The following PLEKHA2 variants were observed in gnomAD, a reference collection of about 807,000 sequenced individuals.
PLEKHA2 encodes pleckstrin homology domain containing A2.
PLEKHA2 carries 28 observed loss-of-function variants against 53.2 expected under a neutral mutation model. That is an observed-to-expected ratio of 0.53 (90% CI 0.39 to 0.72). The LOEUF (loss-of-function observed/expected upper bound fraction) is 0.72, where lower values mean the gene tolerates loss of function less well. Among genes scored for constraint, PLEKHA2 ranks in the 30% least tolerant of loss-of-function variants. PLEKHA2 has a pLI of 0.00. For synonymous variants in PLEKHA2, 193 were observed against 196.4 expected, an observed-to-expected ratio of 0.98 and a Z score of 0.14; for missense variants, 426 against 537.9, an observed-to-expected ratio of 0.79 and a Z score of 2.06.
At chr8:38,951,091 GGGAGT>G in intron 6 of PLEKHA2, 101 bp downstream of exon 6, 1 of 905,990 alleles carries the variant, frequency 1.1e-6, no homozygotes, top group Non-Finnish European at 1.6e-6. Context: ...AAAGGAGGGT[GGGAGT>G]GGGGGGCAGC....
chr8:38,908,725 A>G (rs755624025), intron 1 of PLEKHA2, among the ~76,000 whole-genome samples: 1 of 152,220 alleles, frequency 6.6e-6, no homozygotes, highest in Non-Finnish European at 1.5e-5. Flanking sequence ...ATTATGTACC[A>G]TTTCATATCT....
intron 2 of PLEKHA2, among the ~76,000 whole-genome samples, chr8:38,918,483 CCATACACACAA>C (rs1834107951): frequency 2.1e-5 from 3 of 142,906 alleles, no homozygotes; most frequent in Non-Finnish European, 3.1e-5. Context: ...ACGACACACA[CCATACACACAA>C]CCCATACACC....
At chr8:38,967,391 A>G (rs1469897338) in intron 10 of PLEKHA2, among the ~76,000 whole-genome samples, 1 of 152,168 alleles carries the variant, frequency 6.6e-6, no homozygotes, top group Non-Finnish European at 1.5e-5. Context: ...GCTGACCTGA[A>G]TGGTAGTTCT....
chr8:38,944,969 G>A (rs1588261959), intron 4 of PLEKHA2, among the ~76,000 whole-genome samples: 1 of 152,178 alleles, frequency 6.6e-6, no homozygotes, highest in African/African-American at 2.4e-5. Flanking sequence ...CAGAGGAGAC[G>A]CAGATGGCAG....
intron 1 of PLEKHA2, among the ~76,000 whole-genome samples, chr8:38,904,977 A>G (rs971566688): frequency 3.2e-4 from 48 of 152,328 alleles, no homozygotes; most frequent in African/African-American, 1.2e-3. Flanking sequence ...AGGTAAAGCA[A>G]TTATCTCCAT....
intron 5 of PLEKHA2, among the ~76,000 whole-genome samples, chr8:38,947,536 T>G (rs1834738060): frequency 6.6e-6 from 1 of 152,076 alleles, no homozygotes; most frequent in Non-Finnish European, 1.5e-5. Context: ...GGCAGGAGGA[T>G]CACTTGAGCC....
intron 1 of PLEKHA2, chr8:38,901,953 T>G (rs1344478470): frequency 6.6e-6 from 1 of 152,178 alleles, no homozygotes. Flanking sequence ...CCGACTACCT[T>G]ATTAAATGAC....
At chr8:38,958,051 G>A (rs746711962) in intron 10 of PLEKHA2, among the ~76,000 whole-genome samples, 5 of 152,290 alleles carry the variant, frequency 3.3e-5, no homozygotes, top group East Asian at 3.9e-4. Flanking sequence ...TTGGCCAGGC[G>A]CGGTGGCTCA....
At chr8:38,927,323 C>G (rs1177889046) in intron 2 of PLEKHA2, among the ~76,000 whole-genome samples, 1 of 151,880 alleles carries the variant, frequency 6.6e-6, no homozygotes, top group Non-Finnish European at 1.5e-5. Context: ...TAGGAAGACC[C>G]CATCTCTACA....
At chr8:38,918,617 A>C (rs1834120914) in intron 2 of PLEKHA2, among the ~76,000 whole-genome samples, 1 of 150,562 alleles carries the variant, frequency 6.6e-6, no homozygotes, top group Admixed American at 6.6e-5. Context: ...TACACAAGCC[A>C]TACACACACA....
chr8:38,965,629 C>T (rs1835122116), intron 10 of PLEKHA2, among the ~76,000 whole-genome samples: 1 of 151,888 alleles, frequency 6.6e-6, no homozygotes, highest in Admixed American at 6.6e-5. Flanking sequence ...TTTTTTTTAA[C>T]CTCCAAATAC....
In PLEKHA2 at chr8:38,969,765, A is replaced by G; in HGVS notation, c.1260A>G (p.Ile420Met). 1 of 1,500,836 alleles carries G rather than the reference A, an allele frequency of 6.7e-7. No individual in the cohort carries two copies. The highest frequency in any genetic ancestry group is 1.2e-5 in the South Asian group (1 of 83,088). 93.0% of individuals were successfully genotyped at this position (1,500,836 alleles called of 1,614,324 possible). A position where few individuals can be genotyped will look rare whatever the true frequency, so the allele number is the denominator to read the frequency against. ...PFMFNLDDEN[I>M]RTSDV Reference sequence around the variant, plus strand: ...TGTTCAACCTTGATGATGAAAACATACGGACCTCTGATGTGTGATGGAGCA... The same window carrying G: ...TGTTCAACCTTGATGATGAAAACATGCGGACCTCTGATGTGTGATGGAGCA... Residue 420 changes from isoleucine to methionine, a missense_variant, in exon 12 of 12, where the codon ATA (isoleucine) becomes ATG (methionine). By Grantham distance (10) the Ile-to-Met change is conservative (BLOSUM62 1). Coordinates refer to ENST00000617275, the MANE Select transcript of PLEKHA2 (RefSeq NM_021623.2).
chr8:38,918,800 T>C (rs1227337453), intron 2 of PLEKHA2, among the ~76,000 whole-genome samples: 1 of 151,756 alleles, frequency 6.6e-6, no homozygotes, highest in Non-Finnish European at 1.5e-5. Context: ...ACACACATAC[T>C]ATACACACCC....
At chr8:38,952,790 T>A in intron 8 of PLEKHA2, 86 bp downstream of exon 8, 2 of 1,364,986 alleles carry the variant, frequency 1.5e-6, no homozygotes, top group Non-Finnish European at 2.0e-6. Flanking sequence ...CGTGCATGAG[T>A]GGAGATGTGG....
chr8:38,938,564 C>T (rs762754082), intron 3 of PLEKHA2, among the ~76,000 whole-genome samples: 15 of 152,254 alleles, frequency 9.9e-5, no homozygotes, highest in Non-Finnish European at 2.2e-4. Context: ...CTCCTGTGGT[C>T]TGTGTTTGAT....
At position 38,917,945 on chromosome 8, in the gene PLEKHA2, C is replaced by T. The variant is rs569997545; in HGVS notation, c.16C>T (p.Arg6Trp). MPYVD[R>W]QNRICGFLDI... ...GAGCCCAGGAATGCCTTATGTGGAT[C>T]GGCAGAACCGAATCTGTGGGTTTCT... The change falls in exon 2 of 12, where the codon CGG becomes TGG. Residue 6 changes from arginine to tryptophan, a missense_variant. Arg to Trp is a moderately radical substitution (Grantham distance 101). Transcript: ENST00000617275. The T allele has an allele frequency of 2.3e-5, 37 of 1,613,578 alleles. No homozygotes were observed. The highest frequency in any genetic ancestry group is 4.4e-5 in the South Asian group (4 of 91,074).
chr8:38,934,830 ATT>A (rs1564126961), intron 2 of PLEKHA2, among the ~76,000 whole-genome samples: 1 of 142,214 alleles, frequency 7.0e-6, no homozygotes, highest in Non-Finnish European at 1.6e-5. Flanking sequence ...ATATATATAT[ATT>A]TTTATTTCTA....
In PLEKHA2 at chr8:38,968,513, CTT is replaced by C. The variant is rs1283651009; in HGVS notation, c.838-78_838-77del. On this transcript the variant is annotated intron_variant, in intron 10 of 11. Coordinates refer to ENST00000617275, the MANE Select transcript of PLEKHA2 (RefSeq NM_021623.2). ...ACCCCTAATGGTGTAATTTTATAAA[CTT>C]AATATTGAGTCAGAGACTTGGAAGC... The C allele has an allele frequency of 5.0e-6, 7 of 1,388,512 alleles. No homozygotes were observed. The African/African-American group carries it at 8.6e-5, about 17-fold the overall frequency. 86.0% of individuals were successfully genotyped at this position (1,388,512 alleles called of 1,614,324 possible). A position where few individuals can be genotyped will look rare whatever the true frequency, so the allele number is the denominator to read the frequency against.
At chr8:38,951,885 A>G (rs892770629) in intron 6 of PLEKHA2, among the ~76,000 whole-genome samples, 7 of 152,042 alleles carry the variant, frequency 4.6e-5, no homozygotes, top group Admixed American at 6.6e-5. Flanking sequence ...TTTAAATTTT[A>G]AAATCAAAAT....
Sources: gnomAD v4.1 joint callset for allele counts (sites outside exome capture counted in the v4.1 genomes callset) on GRCh38, gnomAD v4.1.1 for gene constraint, MANE v1.5 for transcripts, NCBI Gene and HGNC (gene_info 2026-07-23, HGNC 2026-07-21) for gene names.